The following USP46 variants were observed in gnomAD, a reference collection of about 807,000 sequenced individuals.
The protein encoded by USP46 is ubiquitin carboxyl-terminal hydrolase 46.
In USP46, 12 loss-of-function variants were observed where a neutral mutation model predicts 44.4. That is an observed-to-expected ratio of 0.27 (90% CI 0.17 to 0.44). The LOEUF (loss-of-function observed/expected upper bound fraction) is 0.44, where lower values mean the gene tolerates loss of function less well. Ranked by LOEUF, USP46 falls within the 20% of genes least tolerant of loss-of-function variation. USP46 has a pLI of 1.00. For synonymous variants in USP46, 155 were observed against 161.5 expected (o/e 0.96, Z 0.31); for missense variants, 248 against 444.8 (o/e 0.56, Z 3.98).
chr4:52,612,761 G>C (rs553413540), intron 4 of USP46, among the ~76,000 whole-genome samples: 11 of 152,306 alleles, frequency 7.2e-5, no homozygotes, highest in Admixed American at 2.6e-4. Context: ...GCCTAGACTA[G>C]TCGACCACAA....
chr4:52,650,074 C>T (rs1007979589), intron 1 of USP46, among the ~76,000 whole-genome samples: 3 of 152,182 alleles, frequency 2.0e-5, no homozygotes, highest in South Asian at 2.1e-4. Context: ...ATGGGCGCAT[C>T]CTAAAAGCAG....
chr4:52,638,880 C>T (rs1244874969), intron 1 of USP46, among the ~76,000 whole-genome samples: 2 of 152,016 alleles, frequency 1.3e-5, no homozygotes, highest in Non-Finnish European at 2.9e-5. Context: ...ATGTACTGTT[C>T]AGTGAGGCAT....
chr4:52,624,307 G>A (rs1717494714), intron 4 of USP46, among the ~76,000 whole-genome samples: 1 of 152,206 alleles, frequency 6.6e-6, no homozygotes, highest in Non-Finnish European at 1.5e-5. Flanking sequence ...GGCAGGGAGG[G>A]AAGATCTCTG....
chr4:52,640,283 CCTG>C (rs1718282875), intron 1 of USP46, among the ~76,000 whole-genome samples: 1 of 151,948 alleles, frequency 6.6e-6, no homozygotes, highest in Non-Finnish European at 1.5e-5. Flanking sequence ...GACACTGAGC[CCTG>C]CGACGTGCCT....
intron 7 of USP46, among the ~76,000 whole-genome samples, chr4:52,600,714 C>A (rs116248611): frequency 0.016 from 2,508 of 152,154 alleles, 67 homozygotes; most frequent in African/African-American, 0.056. Flanking sequence ...ACTTTAGCCA[C>A]AATGCCCACC....
chr4:52,618,758 G>A (rs1280077972), intron 4 of USP46, among the ~76,000 whole-genome samples: 1 of 152,038 alleles, frequency 6.6e-6, no homozygotes, highest in South Asian at 2.1e-4. Context: ...TGAATCTCTG[G>A]AACTCAGAAT....
At chr4:52,650,878 C>T (rs1460806659) in intron 1 of USP46, 2 of 152,008 alleles carry the variant, frequency 1.3e-5, no homozygotes, top group African/African-American at 4.8e-5. Flanking sequence ...GTGGGCGGAT[C>T]ACGAGGTCAA....
At chr4:52,610,331 T>C (rs932537637) in intron 5 of USP46, among the ~76,000 whole-genome samples, 3 of 152,212 alleles carry the variant, frequency 2.0e-5, no homozygotes, top group African/African-American at 7.2e-5. Flanking sequence ...ACCTGCCCTT[T>C]TGACTAATGA....
chr4:52,615,999 G>A (rs1002337502), intron 4 of USP46, among the ~76,000 whole-genome samples: 1 of 152,178 alleles, frequency 6.6e-6, no homozygotes, highest in Admixed American at 6.5e-5. Flanking sequence ...AGAAAAGCTA[G>A]TAGGGGGAAA....
At chr4:52,615,932 AGG>A (rs1717113843) in intron 4 of USP46, among the ~76,000 whole-genome samples, 1 of 152,244 alleles carries the variant, frequency 6.6e-6, no homozygotes, top group Non-Finnish European at 1.5e-5. Flanking sequence ...CAGAATTAAA[AGG>A]AGAAACAGAA....
At chr4:52,605,361 C>T (rs1477778040) in intron 5 of USP46, among the ~76,000 whole-genome samples, 4 of 152,064 alleles carry the variant, frequency 2.6e-5, no homozygotes, top group Middle Eastern at 3.2e-3. Context: ...CATTCTTTTC[C>T]AGCCATCAAG....
chr4:52,597,562 G>T lies in USP46; in HGVS notation c.*78C>A. 1 of 968,810 alleles carries T rather than the reference G, an allele frequency of 1.0e-6. No individual in the cohort carries two copies. The highest frequency in any genetic ancestry group is 1.6e-6 in the Non-Finnish European group (1 of 631,464). 60.0% of individuals were successfully genotyped at this position (968,810 alleles called of 1,614,324 possible). The stretch of plus-strand genomic sequence containing the variant: ...ATACCATTAGTGGGCCACTGGGGAA[G>T]AGGAAAGCCTGCGGAGAAGCCGGGT... On this transcript the variant is annotated 3_prime_UTR_variant, in exon 9 of 9. Coordinates refer to ENST00000441222, the MANE Select transcript of USP46 (RefSeq NM_022832.4).
intron 4 of USP46, among the ~76,000 whole-genome samples, chr4:52,614,500 G>A (rs1717048934): frequency 6.6e-6 from 1 of 152,196 alleles, no homozygotes; most frequent in Non-Finnish European, 1.5e-5. Context: ...AGAAGACAGT[G>A]AAGCATCTTT....
At chr4:52,609,857 GAA>G (rs1286963200) in intron 5 of USP46, among the ~76,000 whole-genome samples, 1 of 106,130 alleles carries the variant, frequency 9.4e-6, no homozygotes. Flanking sequence ...ATTTCTCCAG[GAA>G]AAAAAAAAAT....
intron 7 of USP46, among the ~76,000 whole-genome samples, chr4:52,600,476 C>T (rs1716426494): frequency 6.6e-6 from 1 of 152,152 alleles, no homozygotes; most frequent in Admixed American, 6.5e-5. Context: ...TAGTGGCATG[C>T]ATGACTTGGC....
At chr4:52,649,702 T>C (rs1718682961) in intron 1 of USP46, among the ~76,000 whole-genome samples, 1 of 152,176 alleles carries the variant, frequency 6.6e-6, no homozygotes, top group South Asian at 2.1e-4. Context: ...CCAAATTACA[T>C]CCCTTCATTC....
intron 1 of USP46, among the ~76,000 whole-genome samples, chr4:52,638,729 T>G (rs1718217541): frequency 6.6e-6 from 1 of 151,852 alleles, no homozygotes; most frequent in South Asian, 2.1e-4. Flanking sequence ...GCGTTCTCAG[T>G]GGCTAGCACA....
intron 1 of USP46, among the ~76,000 whole-genome samples, chr4:52,657,944 T>G (rs893306502): frequency 2.0e-5 from 3 of 152,184 alleles, no homozygotes; most frequent in African/African-American, 7.2e-5. Flanking sequence ...GACAGAAGAT[T>G]TAAAAAGCTA....
rs1489216029 is a variant in USP46, at chr4:52,593,909, T to C, written c.*3731A>G. ...TATTCTCAATTTGCTATTCTCCAGA[T>C]ACCATTTCCTGAATTAAATTCTGTT... On this transcript the variant is annotated 3_prime_UTR_variant, in exon 9 of 9. Coordinates refer to ENST00000441222, the MANE Select transcript of USP46 (RefSeq NM_022832.4). The C allele has an allele frequency of 6.6e-6, 1 of 152,258 alleles. No homozygotes were observed. Among genetic ancestry groups the C allele is most frequent in the Non-Finnish European group, 1.5e-5 (1 of 68,038 alleles). The allele number at this position is 152,258 out of a possible 1,614,324, so 9.4% of individuals were successfully genotyped here.
Sources: gnomAD v4.1 joint callset for allele counts (sites outside exome capture counted in the v4.1 genomes callset) on GRCh38, gnomAD v4.1.1 for gene constraint, MANE v1.5 for transcripts, NCBI Gene and HGNC (gene_info 2026-07-23, HGNC 2026-07-21) for gene names.